The following CLASP2 variants were observed in gnomAD, a reference collection of about 807,000 sequenced individuals.
CLASP2 encodes the protein cytoplasmic linker associated protein 2, also known as CLIP-associating protein 2.
CLASP2 carries 47 observed loss-of-function variants against 194.4 expected under a neutral mutation model. The observed-to-expected ratio is 0.24, with a 90% CI of 0.19 to 0.31. CLASP2 has a LOEUF of 0.31. CLASP2 is among the 10% of genes least tolerant of loss of function. The pLI is 1.00. For synonymous variants in CLASP2, 619 were observed against 633.5 expected (o/e 0.98, Z 0.34); for missense variants, 1,445 against 1,823.6 (o/e 0.79, Z 3.78).
rs57940200 is a variant in CLASP2 at position 33,713,012 on chromosome 3, C to CAAAAAAAA, written c.195+4788_195+4795dup. ...GGGCGACAAGAGCAAAACTCCACCTCAAAAAAAAAAAAAAAAAAAAAAAAA... is the reference window on the plus strand; with the variant it reads ...GGGCGACAAGAGCAAAACTCCACCTCAAAAAAAAAAAAAAAAAAAAAAAAAAAAAAAAA... On this transcript the variant is annotated intron_variant, in intron 1 of 38. Coordinates refer to ENST00000682230, the MANE Select transcript of CLASP2 (RefSeq NM_001365631.1). Among the ~76,000 whole-genome samples, 120 of 47,004 alleles carry CAAAAAAAA rather than the reference C, an allele frequency of 2.6e-3. 1 individual carries two copies. Among genetic ancestry groups the CAAAAAAAA allele is most frequent in the African/African-American group, 7.9e-3 (101 of 12,836 alleles). 30.8% of individuals were successfully genotyped at this position (47,004 alleles called of 152,430 possible). A position where few individuals can be genotyped will look rare whatever the true frequency, so the allele number is the denominator to read the frequency against.
rs2046012450 is a variant in CLASP2 at position 33,497,962 on chromosome 3, T to C, written c.*669A>G. 1 of 152,602 alleles carries C rather than the reference T, an allele frequency of 6.6e-6. No individual in the cohort carries two copies. The highest frequency in any genetic ancestry group is 2.1e-4 in the South Asian group (1 of 4,830). 9.5% of individuals were successfully genotyped at this position (152,602 alleles called of 1,614,324 possible). A position where few individuals can be genotyped will look rare whatever the true frequency, so the allele number is the denominator to read the frequency against. On this transcript the variant is annotated 3_prime_UTR_variant, in exon 39 of 39. Coordinates refer to ENST00000682230, the MANE Select transcript of CLASP2 (RefSeq NM_001365631.1). ...ATCATAGAAGGGACATGGTTTTAAA[T>C]AAAGATGGCAAGATCAATAACCAAT...
At chr3:33,562,343 T>C (rs1219518960) in intron 27 of CLASP2, among the ~76,000 whole-genome samples, 1 of 152,166 alleles carries the variant, frequency 6.6e-6, no homozygotes, top group East Asian at 1.9e-4. Flanking sequence ...CATTAAACTG[T>C]CTCTGGCCTT....
intron 21 of CLASP2, chr3:33,588,754 T>A (rs1255872618): frequency 1.4e-6 from 1 of 702,138 alleles, no homozygotes; most frequent in Non-Finnish European, 2.6e-6. Flanking sequence ...AAAGGCAGAA[T>A]TAGGGTAAGG....
chr3:33,517,369 T>A (rs1224402912), intron 34 of CLASP2, among the ~76,000 whole-genome samples, 195 bp from the exon 35 acceptor site: 1 of 152,232 alleles, frequency 6.6e-6, no homozygotes, highest in Non-Finnish European at 1.5e-5. Context: ...TAAAACTTTG[T>A]ATAATAAAAA....
At chr3:33,690,570 A>T (rs1332455866) in intron 2 of CLASP2, among the ~76,000 whole-genome samples, 1 of 152,186 alleles carries the variant, frequency 6.6e-6, no homozygotes, top group African/African-American at 2.4e-5. Context: ...TTTTGATATT[A>T]CAGCTATACA....
Position 33,606,545 on chromosome 3 carries a change from G to A in CLASP2, c.1694+46C>T, listed in dbSNP as rs771718611. 2.0e-6 allele frequency: 3 copies of A among 1,498,432 alleles called. No individual in the cohort carries two copies. In the East Asian group the frequency reaches 6.8e-5, roughly 34 times the overall value. 92.8% of individuals were successfully genotyped at this position (1,498,432 alleles called of 1,614,324 possible). A position where few individuals can be genotyped will look rare whatever the true frequency, so the allele number is the denominator to read the frequency against. On this transcript the variant is annotated intron_variant, in intron 16 of 38. Transcript: ENST00000682230. ...TATCCAACTTATGAAACTTCAGGGA[G>A]TTGAGGAGAGGAAGAGACTAGTAAT...
intron 6 of CLASP2, among the ~76,000 whole-genome samples, chr3:33,664,151 T>C (rs2085777627): frequency 6.6e-6 from 1 of 152,144 alleles, no homozygotes; most frequent in South Asian, 2.1e-4. Context: ...GAAATATAAA[T>C]AGGAACAAAG....
At chr3:33,538,718 C>A (rs2057831400) in intron 33 of CLASP2, 71 bp downstream of exon 33, 5 of 1,288,826 alleles carry the variant, frequency 3.9e-6, no homozygotes, top group Non-Finnish European at 5.1e-6. Context: ...TGACAGAAAG[C>A]AAAATGTAAT....
intron 6 of CLASP2, among the ~76,000 whole-genome samples, chr3:33,673,856 A>C (rs994733654): frequency 2.0e-5 from 3 of 152,230 alleles, no homozygotes; most frequent in African/African-American, 7.2e-5. Context: ...AGGCCATTAC[A>C]TAATGGTAAA....
intron 34 of CLASP2, among the ~76,000 whole-genome samples, chr3:33,530,013 A>ATT: frequency 6.9e-6 from 1 of 145,388 alleles, no homozygotes; most frequent in African/African-American, 2.5e-5. Flanking sequence ...AAAAAAAAAG[A>ATT]TCTTCAAGGG....
chr3:33,556,389 C>A (rs767133918), intron 29 of CLASP2, among the ~76,000 whole-genome samples: 4 of 151,522 alleles, frequency 2.6e-5, no homozygotes, highest in Non-Finnish European at 4.4e-5. Flanking sequence ...TAACTTTTCC[C>A]TGCTATTCTA....
At chr3:33,563,700 A>C (rs1434855817) in intron 27 of CLASP2, among the ~76,000 whole-genome samples, 1 of 152,178 alleles carries the variant, frequency 6.6e-6, no homozygotes, top group Non-Finnish European at 1.5e-5. Flanking sequence ...AGCAGGGAAG[A>C]TGTGGCCTGC....
chr3:33,570,157 T>G (rs1576571466), intron 26 of CLASP2, among the ~76,000 whole-genome samples: 1 of 144,212 alleles, frequency 6.9e-6, no homozygotes, highest in Non-Finnish European at 1.5e-5. Context: ...ACATGCACAT[T>G]ACATATAAGT....
intron 21 of CLASP2, among the ~76,000 whole-genome samples, chr3:33,585,532 C>A (rs1280137312): frequency 6.6e-6 from 1 of 152,044 alleles, no homozygotes; most frequent in Non-Finnish European, 1.5e-5. Context: ...TCTAAAAATA[C>A]CTAAACACAG....
At chr3:33,515,166 C>G (rs558720678) in intron 36 of CLASP2, among the ~76,000 whole-genome samples, 2 of 152,068 alleles carry the variant, frequency 1.3e-5, no homozygotes, top group Non-Finnish European at 2.9e-5. Flanking sequence ...GAAATCACCA[C>G]TAAAGAACTT....
intron 7 of CLASP2, among the ~76,000 whole-genome samples, chr3:33,656,498 G>C (rs770730620): frequency 7.9e-5 from 12 of 152,138 alleles, no homozygotes; most frequent in Non-Finnish European, 1.8e-4. Context: ...GAACTGAAAA[G>C]AATGTAGGAC....
In CLASP2 at chr3:33,566,615, T is replaced by G. The variant is rs1250344486; in HGVS notation, c.2766+117A>C. 4.8e-5 allele frequency: 16 copies of G among 334,936 alleles called. No individual in the cohort carries two copies. In the Middle Eastern group the frequency reaches 5.1e-3, roughly 107 times the overall value. 20.7% of individuals were successfully genotyped at this position (334,936 alleles called of 1,614,324 possible). A position where few individuals can be genotyped will look rare whatever the true frequency, so the allele number is the denominator to read the frequency against. On this transcript the variant is annotated intron_variant, in intron 27 of 38. Transcript: ENST00000682230. ...TTGCATAACTGCAAATAGCATTTCGTGGATTGCAAAGGTTCCAACACTGCA... is the reference window on the plus strand; with the variant it reads ...TTGCATAACTGCAAATAGCATTTCGGGGATTGCAAAGGTTCCAACACTGCA...
intron 1 of CLASP2, among the ~76,000 whole-genome samples, chr3:33,698,746 GA>G (rs896818341): frequency 6.6e-6 from 1 of 152,126 alleles, no homozygotes; most frequent in African/African-American, 2.4e-5. Context: ...AAGTTTAGCA[GA>G]AAAAAGGCAT....
At chr3:33,663,095 C>T (rs192021661) in intron 7 of CLASP2, among the ~76,000 whole-genome samples, 131 of 145,160 alleles carry the variant, frequency 9.0e-4, no homozygotes, top group African/African-American at 3.2e-3. Context: ...CTAAGTAAAA[C>T]AATTATTCTA....
Sources: gnomAD v4.1 joint callset for allele counts (sites outside exome capture counted in the v4.1 genomes callset) on GRCh38, gnomAD v4.1.1 for gene constraint, MANE v1.5 for transcripts, NCBI Gene and HGNC (gene_info 2026-07-23, HGNC 2026-07-21) for gene names.